Variants in FREM3 observed in about 807,000 individuals in gnomAD.
The protein encoded by FREM3 is FRAS1-related extracellular matrix protein 3.
In FREM3, 105 loss-of-function variants were observed where a neutral mutation model predicts 129.1. That is an observed-to-expected ratio of 0.81 (90% CI 0.69 to 0.96). FREM3 has a LOEUF of 0.96. Among genes scored for constraint, FREM3 ranks in the 40% least tolerant of loss-of-function variants. The pLI, the probability that FREM3 is intolerant of heterozygous loss-of-function variation, is 0.00. For synonymous variants in FREM3, 1,014 were observed against 1,044.9 expected, an observed-to-expected ratio of 0.97 and a Z score of 0.57; for missense variants, 2,593 against 2,666.3, an observed-to-expected ratio of 0.97 and a Z score of 0.61.
At chr4:143,584,468 AG>A (rs1738205434) in intron 7 of FREM3, among the ~76,000 whole-genome samples, 1 of 151,936 alleles carries the variant, frequency 6.6e-6, no homozygotes, top group Non-Finnish European at 1.5e-5. Context: ...CAAAAAAAGC[AG>A]GGGTTGCTAT....
intron 2 of FREM3, among the ~76,000 whole-genome samples, chr4:143,634,042 TGGA>T (rs1450239343): frequency 1.3e-5 from 2 of 152,094 alleles, no homozygotes; most frequent in Non-Finnish European, 2.9e-5. Context: ...ACAGGGCAGC[TGGA>T]GGAGTTGTGT....
At chr4:143,686,557 G>A (rs1740367989) in intron 2 of FREM3, among the ~76,000 whole-genome samples, 1 of 152,054 alleles carries the variant, frequency 6.6e-6, no homozygotes, top group Non-Finnish European at 1.5e-5. Flanking sequence ...CTTTCTCCAA[G>A]ATACATCATA....
intron 2 of FREM3, among the ~76,000 whole-genome samples, chr4:143,659,506 A>G (rs1051881925): frequency 5.3e-5 from 8 of 152,016 alleles, no homozygotes; most frequent in East Asian, 3.8e-4. Context: ...ATTGGTTCCA[A>G]GTCTTTGCTA....
At chr4:143,656,604 G>A (rs559083490) in intron 2 of FREM3, among the ~76,000 whole-genome samples, 3 of 152,266 alleles carry the variant, frequency 2.0e-5, no homozygotes, top group Admixed American at 1.3e-4. Flanking sequence ...AGACCAAATA[G>A]ACAAATCTAT....
At chr4:143,647,506 G>A (rs1024251246) in intron 2 of FREM3, among the ~76,000 whole-genome samples, 2 of 152,176 alleles carry the variant, frequency 1.3e-5, no homozygotes, top group African/African-American at 4.8e-5. Flanking sequence ...AAATTGTTTT[G>A]TGGGATGGGC....
At position 143,696,091 on chromosome 4, in the gene FREM3, A is replaced by C. The variant is rs1357044797; in HGVS notation, c.4585T>G (p.Phe1529Val). The change falls in exon 1 of 8, where the codon TTC (phenylalanine) becomes GTC (valine). Residue 1529 changes from phenylalanine to valine, a missense_variant. Transcript: ENST00000329798. ...LYPVFRTFRI[F>V]ITDVDNKKPI... ...TTCTTATTATCCACATCAGTGATGAAGATCCTGAAGGTTCTGAACACAGGG... is the reference window on the plus strand; with the variant it reads ...TTCTTATTATCCACATCAGTGATGACGATCCTGAAGGTTCTGAACACAGGG... 6.5e-7 allele frequency: 1 copy of C among 1,537,524 alleles called. No homozygotes were observed. Among genetic ancestry groups the C allele is most frequent in the South Asian group, 1.2e-5 (1 of 84,064 alleles).
chr4:143,592,726 T>A (rs1403005133), intron 6 of FREM3, among the ~76,000 whole-genome samples: 1 of 152,202 alleles, frequency 6.6e-6, no homozygotes, highest in Non-Finnish European at 1.5e-5. Flanking sequence ...ATCTTGGAGT[T>A]GCTCTTCTCA....
chr4:143,621,078 T>C lies in FREM3; in HGVS notation c.5738A>G (p.Asp1913Gly). 3 of 1,537,254 alleles carry C rather than the reference T, an allele frequency of 2.0e-6. No individual in the cohort carries two copies. Among genetic ancestry groups the C allele is most frequent in the African/African-American group, 1.4e-5 (1 of 73,142 alleles). ...ELLIPVRRSG[D>G]ASQELIVICS... is the part of the protein sequence containing the mutation. ...AATGACGATTAGTTCCTGGCTTGCA[T>C]CTCCAGATCGTCTTACTGGAATCAA... Residue 1913 changes from aspartate (D) to glycine (G), a missense_variant, in exon 5 of 8, where the codon GAT (aspartate) becomes GGT (glycine). Physicochemically the swap from Asp to Gly is moderately conservative, Grantham distance 94. Around this residue, in one of 2 missense-constraint regions of FREM3, gnomAD observed 317 missense variants for 399.0 expected, o/e 0.79. Transcript: ENST00000329798.
rs144114867 is a variant in FREM3, at chr4:143,632,954, T to C, written c.5276-5194A>G. On this transcript the variant is annotated intron_variant, in intron 2 of 7. Transcript: ENST00000329798. ...ACCTACAGGAAGGAATTAGAAAATA[T>C]CATTTTGCAGCCTCTCTTACAGCTA... 2.0e-3 allele frequency among the ~76,000 whole-genome samples: 307 copies of C among 152,278 alleles called. 4 individuals carry two copies. The highest frequency in any genetic ancestry group is 7.0e-3 in the African/African-American group (289 of 41,568).
At chr4:143,650,704 C>G (rs1348516543) in intron 2 of FREM3, among the ~76,000 whole-genome samples, 1 of 152,230 alleles carries the variant, frequency 6.6e-6, no homozygotes, top group Non-Finnish European at 1.5e-5. Flanking sequence ...ATTGCCCAGG[C>G]TGATCTTGAA....
At chr4:143,594,777 G>C (rs1438132118) in intron 6 of FREM3, among the ~76,000 whole-genome samples, 2 of 152,200 alleles carry the variant, frequency 1.3e-5, no homozygotes, top group Non-Finnish European at 2.9e-5. Flanking sequence ...CTTTCTAGAT[G>C]CTCTAGGTAT....
chr4:143,700,025 G>A lies in FREM3; in HGVS notation c.651C>T (p.Asp217=), dbSNP rs1740665471. 1.6e-5 allele frequency: 24 copies of A among 1,509,926 alleles called. No homozygotes were observed. The highest frequency in any genetic ancestry group is 1.8e-5 in the Non-Finnish European group (20 of 1,131,374). 93.5% of individuals were successfully genotyped at this position (1,509,926 alleles called of 1,614,324 possible). A position where few individuals can be genotyped will look rare whatever the true frequency, so the allele number is the denominator to read the frequency against. Residue 217 remains aspartate, a synonymous_variant, in exon 1 of 8, where the codon GAC becomes GAT. Transcript: ENST00000329798. ...RCRLTPLPHE[D]GPLPKYGRLV... ...AGCGCCCGTACTTGGGCAGGGGGCCGTCCTCGTGAGGAAGTGGGGTAAGCC... is the reference window on the plus strand; with the variant it reads ...AGCGCCCGTACTTGGGCAGGGGGCCATCCTCGTGAGGAAGTGGGGTAAGCC...
At chr4:143,633,604 C>T (rs1017968264) in intron 2 of FREM3, among the ~76,000 whole-genome samples, 4 of 152,088 alleles carry the variant, frequency 2.6e-5, no homozygotes, top group Admixed American at 6.5e-5. Context: ...ATTAGCATAA[C>T]GCCTGGCATG....
In FREM3 at chr4:143,696,522, A is replaced by G. The variant is rs933550240; in HGVS notation, c.4154T>C (p.Ile1385Thr). Residue 1385 changes from isoleucine to threonine, a missense_variant, in exon 1 of 8, where the codon ATC becomes ACC. Around this residue, in one of 2 missense-constraint regions of FREM3, gnomAD observed 2,276 missense variants for 2,267.2 expected, o/e 1.00. Transcript: ENST00000329798. ...TTCTTGGCCTGTGTGGATATAGCAG[A>G]TGAGGCCTCTGTTAATCTCATCCTG... ...FTQDEINRGL[I>T]CYIHTGQEGI... 7.8e-6 allele frequency: 12 copies of G among 1,537,424 alleles called. No homozygotes were observed. The East Asian group carries it at 2.0e-4, about 25-fold the overall frequency.
In FREM3 at chr4:143,699,029, G is replaced by A. The variant is rs1435513011; in HGVS notation, c.1647C>T (p.Asn549=). ...GCCCTTCAGTGAGTGAGAGTCCTGT[G>A]TTAGTATTGACCATTGGTGGTTCAT... The part of the protein sequence containing the change: ...VDDEPPMVNT[N]TGLSLTEGQV... The change falls in exon 1 of 8, where the codon AAC becomes AAT. Residue 549 remains asparagine, a synonymous_variant. Transcript: ENST00000329798. This position sits in a 1 kb window ranked among gnomAD's most constrained non-coding sequence, Gnocchi z 4.2. 2 of 1,537,372 alleles carry A rather than the reference G, an allele frequency of 1.3e-6. No homozygotes were observed. The highest frequency in any genetic ancestry group is 1.7e-6 in the Non-Finnish European group (2 of 1,146,928).
chr4:143,653,423 A>C (rs1739546402), intron 2 of FREM3, among the ~76,000 whole-genome samples: 1 of 152,232 alleles, frequency 6.6e-6, no homozygotes, highest in African/African-American at 2.4e-5. Context: ...GTTCCGTGTC[A>C]TGTGGCTCTT....
At chr4:143,615,575 T>C (rs867882627) in intron 5 of FREM3, among the ~76,000 whole-genome samples, 2 of 152,106 alleles carry the variant, frequency 1.3e-5, no homozygotes, top group African/African-American at 2.4e-5. Context: ...TTGGTACTTT[T>C]GTTTCCAGCA....
Position 143,579,416 on chromosome 4 carries a change from G to A in FREM3, c.6179-1564C>T, listed in dbSNP as rs116394806. On this transcript the variant is annotated intron_variant, in intron 7 of 7. Transcript: ENST00000329798. ...TTCAGTAAGCTGAGATCACGCCACT[G>A]TACTCCAGCCTGGGTGACAGAGTGA... Among the ~76,000 whole-genome samples, 1,202 of 152,328 alleles carry A rather than the reference G, an allele frequency of 7.9e-3. 14 individuals carry two copies. Among genetic ancestry groups the A allele is most frequent in the Middle Eastern group, 0.014 (4 of 294 alleles).
intron 2 of FREM3, among the ~76,000 whole-genome samples, chr4:143,673,018 T>C (rs534170645): frequency 6.6e-6 from 1 of 152,310 alleles, no homozygotes; most frequent in East Asian, 1.9e-4. Flanking sequence ...GGTTTTTAAC[T>C]TCTTTGTGAT....
Sources: allele counts gnomAD v4.1 joint callset (sites outside exome capture counted in the v4.1 genomes callset), GRCh38; gene constraint gnomAD v4.1.1; regional missense constraint gnomAD v4.1.1; non-coding constraint Gnocchi (gnomAD v3.1); transcripts MANE v1.5; gene names NCBI Gene and HGNC (gene_info 2026-07-23, HGNC 2026-07-21).